LIFR: variants seen among roughly 807,000 people sequenced by gnomAD.
LIFR encodes the protein LIF receptor subunit alpha, also known as leukemia inhibitory factor receptor.
In LIFR, 84 loss-of-function variants were observed where a neutral mutation model predicts 122.2. The ratio of observed to expected loss-of-function variants is 0.69; its 90% CI spans 0.58 to 0.82. The LOEUF (loss-of-function observed/expected upper bound fraction) is 0.82, where lower values mean the gene tolerates loss of function less well. LIFR is among the 40% of genes least tolerant of loss of function. The pLI is 0.00. For missense variants in LIFR, 1,294 were observed against 1,311.6 expected (o/e 0.99, Z 0.21); for synonymous variants, 422 against 434.7 (o/e 0.97, Z 0.36).
At chr5:38,582,533 T>C (rs1749620508) in intron 1 of LIFR, among the ~76,000 whole-genome samples, 1 of 152,168 alleles carries the variant, frequency 6.6e-6, no homozygotes, top group South Asian at 2.1e-4. Context: ...TATATATATA[T>C]AATATTCAAA....
chr5:38,527,217 A>G lies in LIFR; in HGVS notation c.335T>C (p.Ile112Thr), dbSNP rs1447215588. ...ACTTCCAAAATCATGTAGAGAATTT[A>G]TTGTTATTTCATAATCACCATGTGA... ...ALSHGDYEIT[I>T]NSLHDFGSST... The change falls in exon 4 of 20, where the codon ATA becomes ACA. Residue 112 changes from isoleucine to threonine, a missense_variant. Coordinates refer to ENST00000453190, the MANE Select transcript of LIFR (RefSeq NM_001127671.2). 1 of 1,590,674 alleles carries G rather than the reference A, an allele frequency of 6.3e-7. No homozygotes were observed. Among genetic ancestry groups the G allele is most frequent in the South Asian group, 1.1e-5 (1 of 90,172 alleles).
At chr5:38,486,082 T>C (rs1744272643) in intron 16 of LIFR, 102 bp from the exon 17 acceptor site, 1 of 1,058,912 alleles carries the variant, frequency 9.4e-7, no homozygotes, top group Non-Finnish European at 1.4e-6. Context: ...TGGGTCTAGC[T>C]GAGGCCATCC....
intron 13 of LIFR, 145 bp from the exon 14 acceptor site, chr5:38,493,930 G>C: frequency 1.4e-6 from 1 of 700,556 alleles, no homozygotes; most frequent in Non-Finnish European, 2.5e-6. Context: ...CTAGAGCAAA[G>C]ATTAGAAGTG....
At chr5:38,525,325 A>G (rs1746621229) in intron 4 of LIFR, among the ~76,000 whole-genome samples, 1 of 152,204 alleles carries the variant, frequency 6.6e-6, no homozygotes, top group South Asian at 2.1e-4. Flanking sequence ...AGAAATCCAT[A>G]GACTCACCCT....
intron 1 of LIFR, among the ~76,000 whole-genome samples, chr5:38,533,694 A>G (rs1016904624): frequency 6.6e-6 from 1 of 152,190 alleles, no homozygotes; most frequent in Non-Finnish European, 1.5e-5. Context: ...CTCTATATAC[A>G]TAAATATGGT....
chr5:38,483,366 C>T (rs761748936), intron 18 of LIFR, among the ~76,000 whole-genome samples: 9 of 152,006 alleles, frequency 5.9e-5, no homozygotes, highest in Non-Finnish European at 1.2e-4. Flanking sequence ...CTTCTAAACT[C>T]CCTTCTTATT....
chr5:38,606,928 ATTAG>A (rs1231669632), intron 1 of LIFR, among the ~76,000 whole-genome samples: 1 of 152,198 alleles, frequency 6.6e-6, no homozygotes, highest in Non-Finnish European at 1.5e-5. Context: ...TTCAGAATTA[ATTAG>A]TATTTATTAT....
chr5:38,545,051 C>T (rs1007815650), intron 1 of LIFR, among the ~76,000 whole-genome samples: 23 of 152,220 alleles, frequency 1.5e-4, no homozygotes, highest in African/African-American at 5.3e-4. Context: ...CTGTGGATCA[C>T]CTGAGGTCAG....
At chr5:38,592,846 GCTGA>G (rs1038114049) in intron 1 of LIFR, among the ~76,000 whole-genome samples, 11 of 152,108 alleles carry the variant, frequency 7.2e-5, no homozygotes, top group African/African-American at 2.2e-4. Context: ...GGACATAGTA[GCTGA>G]CTATTTCAGC....
chr5:38,491,436 A>T (rs1744586644), intron 14 of LIFR, among the ~76,000 whole-genome samples: 1 of 152,212 alleles, frequency 6.6e-6, no homozygotes, highest in African/African-American at 2.4e-5. Flanking sequence ...TGAGTCTAAA[A>T]AGATCAGAAA....
intron 19 of LIFR, 116 bp from the exon 20 acceptor site, chr5:38,482,334 A>G: frequency 1.0e-6 from 1 of 964,354 alleles, no homozygotes; most frequent in East Asian, 2.6e-5. Flanking sequence ...TGTCTCTACT[A>G]CTCTGTATTT....
At chr5:38,593,238 C>T (rs902876716) in intron 1 of LIFR, among the ~76,000 whole-genome samples, 3 of 151,676 alleles carry the variant, frequency 2.0e-5, no homozygotes, top group African/African-American at 4.8e-5. Context: ...AACAAACAAA[C>T]AAAAAACATA....
intron 5 of LIFR, among the ~76,000 whole-genome samples, chr5:38,520,312 T>C (rs1374586451): frequency 6.6e-6 from 1 of 152,106 alleles, no homozygotes; most frequent in Non-Finnish European, 1.5e-5. Context: ...ACAATGGGAG[T>C]ATTAATTTTT....
chr5:38,577,751 T>TA (rs1197316759), intron 1 of LIFR, among the ~76,000 whole-genome samples: 2 of 152,240 alleles, frequency 1.3e-5, no homozygotes, highest in African/African-American at 2.4e-5. Context: ...TAACAGAACT[T>TA]AATCTTTTTA....
chr5:38,550,116 G>T, intron 1 of LIFR: 1 of 201,976 alleles, frequency 5.0e-6, no homozygotes, highest in Non-Finnish European at 8.8e-6. Flanking sequence ...CATTTTTGAG[G>T]CTTCTGATGA....
At chr5:38,493,851 A>T (rs1012091519) in intron 13 of LIFR, 66 bp from the exon 14 acceptor site, 2 of 1,327,348 alleles carry the variant, frequency 1.5e-6, no homozygotes, top group African/African-American at 2.9e-5. Context: ...ATCTCATAAA[A>T]ATGGACATGA....
intron 1 of LIFR, among the ~76,000 whole-genome samples, chr5:38,534,390 G>C (rs1212058129): frequency 1.3e-5 from 2 of 152,200 alleles, no homozygotes; most frequent in African/African-American, 2.4e-5. Flanking sequence ...GCCAGACTGA[G>C]AAGTTCTATC....
intron 11 of LIFR, among the ~76,000 whole-genome samples, chr5:38,501,472 G>A (rs551019340): frequency 6.6e-6 from 1 of 151,896 alleles, no homozygotes; most frequent in Non-Finnish European, 1.5e-5. Flanking sequence ...AACCTATTTC[G>A]GCCGGGCACA....
intron 1 of LIFR, among the ~76,000 whole-genome samples, chr5:38,583,483 T>C (rs1438943536): frequency 6.6e-6 from 1 of 152,060 alleles, no homozygotes; most frequent in Non-Finnish European, 1.5e-5. Flanking sequence ...GCTTCTGCAC[T>C]GCAAAGGAAA....
Sources: allele counts gnomAD v4.1 joint callset (sites outside exome capture counted in the v4.1 genomes callset), GRCh38; gene constraint gnomAD v4.1.1; transcripts MANE v1.5; gene names NCBI Gene and HGNC (gene_info 2026-07-23, HGNC 2026-07-21).